The following NKAIN2 variants were observed in gnomAD, a reference collection of about 807,000 sequenced individuals.
NKAIN2 encodes sodium/potassium transporting ATPase interacting 2, also known as sodium/potassium-transporting ATPase subunit beta-1-interacting protein 2.
NKAIN2 carries 14 observed loss-of-function variants against 32.6 expected under a neutral mutation model. The ratio of observed to expected loss-of-function variants is 0.43; its 90% CI spans 0.28 to 0.67. The LOEUF (loss-of-function observed/expected upper bound fraction) is 0.67. Ranked by LOEUF, NKAIN2 falls within the 30% of genes least tolerant of loss-of-function variation. The pLI, the probability that NKAIN2 is intolerant of heterozygous loss-of-function variation, is 0.17. For synonymous variants in NKAIN2, 80 were observed against 87.2 expected (o/e 0.92, Z 0.46); for missense variants, 198 against 258.3 (o/e 0.77, Z 1.60).
At chr6:124,353,699 G>A (rs7760847) in intron 2 of NKAIN2, among the ~76,000 whole-genome samples, 22,760 of 151,878 alleles carry the variant, frequency 0.15, 2,306 homozygotes, top group African/African-American at 0.29. Flanking sequence ...AGCTCTCAGT[G>A]AGCCGAGATC....
chr6:123,937,667 C>G (rs538582500), intron 1 of NKAIN2, among the ~76,000 whole-genome samples: 19 of 152,188 alleles, frequency 1.2e-4, no homozygotes, highest in Non-Finnish European at 2.2e-4. Context: ...CCATTGACTA[C>G]ATAGCTAGGG....
At chr6:124,379,156 AGGGGAG>A (rs1800133363) in intron 3 of NKAIN2, among the ~76,000 whole-genome samples, 2 of 34,198 alleles carry the variant, frequency 5.8e-5, no homozygotes, top group Admixed American at 3.6e-4. Context: ...GGAGGGAGGG[AGGGGAG>A]GGGAGGGAGG....
intron 3 of NKAIN2, among the ~76,000 whole-genome samples, chr6:124,436,562 C>A (rs1480852267): frequency 6.6e-6 from 1 of 152,066 alleles, no homozygotes; most frequent in Non-Finnish European, 1.5e-5. Flanking sequence ...CTTTTAATCC[C>A]AGAACTGGAA....
intron 1 of NKAIN2, among the ~76,000 whole-genome samples, chr6:123,834,070 A>G (rs1472234822): frequency 6.6e-6 from 1 of 151,912 alleles, no homozygotes; most frequent in Non-Finnish European, 1.5e-5. Context: ...CATAGCTGGT[A>G]TGTAAGAAGG....
intron 3 of NKAIN2, among the ~76,000 whole-genome samples, chr6:124,473,145 A>G (rs1388090976): frequency 6.6e-6 from 1 of 152,228 alleles, no homozygotes; most frequent in African/African-American, 2.4e-5. Context: ...AACAATTTGT[A>G]CTAAAAAGGA....
intron 1 of NKAIN2, among the ~76,000 whole-genome samples, chr6:124,238,285 G>T (rs1264109940): frequency 1.3e-5 from 2 of 151,962 alleles, no homozygotes; most frequent in Non-Finnish European, 2.9e-5. Context: ...AAGAATAAAA[G>T]AAACATTAAA....
At chr6:124,337,383 TGTAGTCCCA>T (rs1214238052) in intron 2 of NKAIN2, among the ~76,000 whole-genome samples, 1 of 152,150 alleles carries the variant, frequency 6.6e-6, no homozygotes, top group Non-Finnish European at 1.5e-5. Flanking sequence ...TGTACACACC[TGTAGTCCCA>T]GCTGCTCAAC....
chr6:124,054,597 C>A (rs902904083), intron 1 of NKAIN2, among the ~76,000 whole-genome samples: 3 of 152,020 alleles, frequency 2.0e-5, no homozygotes, highest in African/African-American at 7.2e-5. Flanking sequence ...CCAGCTTCCT[C>A]TCTTCCCCCT....
intron 4 of NKAIN2, among the ~76,000 whole-genome samples, chr6:124,684,555 G>T (rs1232241483): frequency 6.6e-6 from 1 of 152,150 alleles, no homozygotes; most frequent in African/African-American, 2.4e-5. Flanking sequence ...GGGATTAGGG[G>T]AGTGAATAGA....
intron 1 of NKAIN2, among the ~76,000 whole-genome samples, chr6:124,094,724 T>G (rs1784580387): frequency 6.6e-6 from 1 of 152,114 alleles, no homozygotes; most frequent in Admixed American, 6.6e-5. Context: ...TATCAACATT[T>G]TTTACATAGT....
intron 3 of NKAIN2, among the ~76,000 whole-genome samples, chr6:124,488,136 A>G (rs916669939): frequency 6.6e-6 from 1 of 152,070 alleles, no homozygotes; most frequent in Admixed American, 6.6e-5. Flanking sequence ...GTCAGGAACT[A>G]CTGTGTATGA....
At chr6:124,005,835 A>G (rs1474367127) in intron 1 of NKAIN2, among the ~76,000 whole-genome samples, 1 of 152,166 alleles carries the variant, frequency 6.6e-6, no homozygotes, top group Non-Finnish European at 1.5e-5. Flanking sequence ...CATCTGAACC[A>G]CTTGGTCAAT....
intron 1 of NKAIN2, among the ~76,000 whole-genome samples, chr6:124,152,053 T>G (rs999270813): frequency 2.0e-5 from 3 of 151,968 alleles, no homozygotes; most frequent in African/African-American, 7.2e-5. Context: ...GGAGATAGTT[T>G]CCTATATTTT....
intron 3 of NKAIN2, among the ~76,000 whole-genome samples, chr6:124,540,453 T>C (rs535682645): frequency 6.6e-6 from 1 of 152,366 alleles, no homozygotes; most frequent in South Asian, 2.1e-4. Context: ...ATTTTGCGTA[T>C]CTGTAATGAT....
intron 1 of NKAIN2, among the ~76,000 whole-genome samples, chr6:124,243,952 T>C (rs1019194089): frequency 6.6e-6 from 1 of 152,120 alleles, no homozygotes; most frequent in African/African-American, 2.4e-5. Flanking sequence ...AATTTGAGCC[T>C]TTTGTTTATT....
At chr6:124,350,430 G>T (rs1339681838) in intron 2 of NKAIN2, among the ~76,000 whole-genome samples, 2 of 151,942 alleles carry the variant, frequency 1.3e-5, no homozygotes, top group South Asian at 2.1e-4. Context: ...ATGTAGAAAA[G>T]AATAAAAAAA....
chr6:124,345,239 AT>A (rs1798346631), intron 2 of NKAIN2, among the ~76,000 whole-genome samples: 1 of 152,098 alleles, frequency 6.6e-6, no homozygotes, highest in Non-Finnish European at 1.5e-5. Flanking sequence ...GTTTGCCAGT[AT>A]TTTATTGATG....
chr6:123,868,703 T>A (rs939803150), intron 1 of NKAIN2, among the ~76,000 whole-genome samples: 1 of 152,212 alleles, frequency 6.6e-6, no homozygotes, highest in African/African-American at 2.4e-5. Flanking sequence ...GAGAGAAAAG[T>A]TGATTACAAA....
chr6:123,989,788 T>C (rs1779335758), intron 1 of NKAIN2, among the ~76,000 whole-genome samples: 1 of 152,158 alleles, frequency 6.6e-6, no homozygotes. Flanking sequence ...ACAAAGACTT[T>C]CAAGCATAAA....
Sources: allele counts gnomAD v4.1 joint callset (sites outside exome capture counted in the v4.1 genomes callset), GRCh38; gene constraint gnomAD v4.1.1; transcripts MANE v1.5; gene names NCBI Gene and HGNC (gene_info 2026-07-23, HGNC 2026-07-21).